Variants in CCDC85C observed in about 807,000 individuals in gnomAD.
The protein encoded by CCDC85C is coiled-coil domain containing 85C, also known as coiled-coil domain-containing protein 85C.
In CCDC85C, 18 loss-of-function variants were observed where a neutral mutation model predicts 38.3. The observed-to-expected ratio is 0.47, with a 90% CI of 0.33 to 0.70. The LOEUF (loss-of-function observed/expected upper bound fraction) is 0.70. CCDC85C is among the 30% of genes least tolerant of loss of function. The pLI, the probability that CCDC85C is intolerant of heterozygous loss-of-function variation, is 0.03. For synonymous variants in CCDC85C, 264 were observed against 293.8 expected (o/e 0.90, Z 1.04); for missense variants, 566 against 621.2 (o/e 0.91, Z 0.94).
chr14:99,579,023 C>T (rs1240257157), intron 1 of CCDC85C, among the ~76,000 whole-genome samples: 1 of 152,210 alleles, frequency 6.6e-6, no homozygotes, highest in Non-Finnish European at 1.5e-5. Flanking sequence ...CAGACTCTCT[C>T]CATTGCTCAT....
chr14:99,585,724 G>T (rs753338424), intron 1 of CCDC85C, among the ~76,000 whole-genome samples: 2 of 152,204 alleles, frequency 1.3e-5, no homozygotes, highest in African/African-American at 2.4e-5. Context: ...TGCACGACTA[G>T]CGTTCAGATG....
At chr14:99,563,672 C>T (rs1055864194) in intron 1 of CCDC85C, among the ~76,000 whole-genome samples, 3 of 152,218 alleles carry the variant, frequency 2.0e-5, no homozygotes, top group Admixed American at 6.5e-5. Context: ...CAGAAGGCAG[C>T]GGCATGGCGC....
At chr14:99,540,981 G>T (rs1192049034) in intron 1 of CCDC85C, among the ~76,000 whole-genome samples, 1 of 152,184 alleles carries the variant, frequency 6.6e-6, no homozygotes, top group Non-Finnish European at 1.5e-5. Context: ...GGGCTGGGTG[G>T]TATTCCCCCT....
intron 1 of CCDC85C, among the ~76,000 whole-genome samples, chr14:99,593,341 T>C (rs1236497697): frequency 4.6e-5 from 7 of 152,248 alleles, no homozygotes; most frequent in African/African-American, 1.4e-4. Flanking sequence ...ATGGGTCGAC[T>C]CTTCTCCATA....
Position 99,536,105 on chromosome 14 carries a change from G to T in CCDC85C, c.794-17C>A. ...ATGAGGGATCTGGAAGGACACAAGA[G>T]GAAGGGGGACATTAGCCTCCAGCAG... On this transcript the variant is annotated splice_polypyrimidine_tract_variant and intron_variant, in intron 1 of 5. Coordinates refer to ENST00000380243, the MANE Select transcript of CCDC85C (RefSeq NM_001144995.2). The T allele has an allele frequency of 6.5e-7, 1 of 1,529,558 alleles. No individual in the cohort carries two copies. The allele number at this position is 1,529,558 out of a possible 1,614,324, so 94.7% of individuals were successfully genotyped here. A position where few individuals can be genotyped will look rare whatever the true frequency, so the allele number is the denominator to read the frequency against.
At chr14:99,519,609 C>T (rs147087030) in intron 3 of CCDC85C, among the ~76,000 whole-genome samples, 554 of 152,290 alleles carry the variant, frequency 3.6e-3, no homozygotes, top group Middle Eastern at 0.014. Context: ...TGTCGCCAAA[C>T]GCTCAGAGCA....
chr14:99,595,489 C>T (rs918429837), intron 1 of CCDC85C, among the ~76,000 whole-genome samples: 6 of 152,146 alleles, frequency 3.9e-5, no homozygotes, highest in East Asian at 1.9e-4. Context: ...TCAGGTGATC[C>T]GCCCAGCTCA....
In CCDC85C at chr14:99,520,841, AAGG is replaced by A. The variant is rs1325543860; in HGVS notation, c.975+1289_975+1291del. On this transcript the variant is annotated intron_variant, in intron 3 of 5. Transcript: ENST00000380243. This position sits in a 1 kb window ranked among gnomAD's most constrained non-coding sequence, Gnocchi z 4.1. ...ATGCACAGAGCAGTCTAGAGGAAAA[AAGG>A]AGGCAAGAGGAACAAACCCTTTCCC... Among the ~76,000 whole-genome samples, 2 of 152,224 alleles carry A rather than the reference AAGG, an allele frequency of 1.3e-5. No homozygotes were observed. The highest frequency in any genetic ancestry group is 2.9e-5 in the Non-Finnish European group (2 of 68,038).
At position 99,507,287 on chromosome 14, in the gene CCDC85C, T is replaced by A; in HGVS notation, c.*7959A>T. On this transcript the variant is annotated 3_prime_UTR_variant, in exon 6 of 6. Coordinates refer to ENST00000380243, the MANE Select transcript of CCDC85C (RefSeq NM_001144995.2). ...CCACAGGCAGGAATCTTTGCAAAAT[T>A]GTTCTTGGGCTGGGCACAATGGCTT... 1 of 710,798 alleles carries A rather than the reference T, an allele frequency of 1.4e-6. No individual in the cohort carries two copies. Among genetic ancestry groups the A allele is most frequent in the Non-Finnish European group, 2.6e-6 (1 of 391,300 alleles). 44.0% of individuals were successfully genotyped at this position (710,798 alleles called of 1,614,324 possible).
intron 2 of CCDC85C, among the ~76,000 whole-genome samples, chr14:99,528,649 G>A (rs1030434726): frequency 2.0e-5 from 3 of 152,242 alleles, no homozygotes; most frequent in African/African-American, 7.2e-5. Flanking sequence ...CAAGATCCCA[G>A]CAGCTCAGAG....
Position 99,533,007 on chromosome 14 carries a change from C to T in CCDC85C, c.867+3008G>A, listed in dbSNP as rs1457337317. Among the ~76,000 whole-genome samples, 2 of 152,132 alleles carry T rather than the reference C, an allele frequency of 1.3e-5. No individual in the cohort carries two copies. Among genetic ancestry groups the T allele is most frequent in the Admixed American group, 1.3e-4 (2 of 15,272 alleles). ...GTGTTGCCCAGGCTGATCTCAAATT[C>T]CTGACCTCAAGTGATCCGCCCACCT... is the stretch of plus-strand genomic sequence containing the variant. On this transcript the variant is annotated intron_variant, in intron 2 of 5. Transcript: ENST00000380243. This position sits in a 1 kb window ranked among gnomAD's most constrained non-coding sequence, Gnocchi z 4.2.
chr14:99,570,864 CAA>C (rs67541429), intron 1 of CCDC85C, among the ~76,000 whole-genome samples: 86,417 of 151,612 alleles, frequency 0.57, 24,670 homozygotes, highest in African/African-American at 0.62. Context: ...TGGGCACAGG[CAA>C]CCAACTGGCC....
In CCDC85C at chr14:99,502,415, T is replaced by C. The variant is rs776475381; in HGVS notation, c.*12831A>G. ...TAAGCGTTCTCGTGAGGGTGTTCCA[T>C]GTTGAGATGATTCTTCCATGTGTAC... On this transcript the variant is annotated 3_prime_UTR_variant, in exon 6 of 6. Transcript: ENST00000380243. 16 of 1,599,188 alleles carry C rather than the reference T, an allele frequency of 1.0e-5. No individual in the cohort carries two copies. The South Asian group carries it at 1.8e-4, about 18-fold the overall frequency.
In CCDC85C at chr14:99,544,955, C is replaced by T. The variant is rs531156382; in HGVS notation, c.794-8867G>A. ...AAAAACGGAGCTGCCATGACCGGAG[C>T]CCCACACTCTCCATCTCACACTTCC... On this transcript the variant is annotated intron_variant, in intron 1 of 5. Transcript: ENST00000380243. The surrounding 1 kb of genome is among the most constrained non-coding windows in gnomAD (Gnocchi z 5.3). Among the ~76,000 whole-genome samples, 10 of 152,228 alleles carry T rather than the reference C, an allele frequency of 6.6e-5. No homozygotes were observed. The South Asian group carries it at 2.1e-3, about 32-fold the overall frequency.
intron 1 of CCDC85C, among the ~76,000 whole-genome samples, chr14:99,571,086 T>C: frequency 6.6e-6 from 1 of 151,814 alleles, no homozygotes; most frequent in Non-Finnish European, 1.5e-5. Context: ...CCAGGGACAC[T>C]CCCTCTTCAG....
intron 1 of CCDC85C, among the ~76,000 whole-genome samples, chr14:99,573,219 G>A (rs76296303): frequency 0.021 from 3,222 of 152,284 alleles, 77 homozygotes; most frequent in African/African-American, 0.056. Flanking sequence ...CGCCTAGAGC[G>A]AACAGGACCT....
chr14:99,591,831 T>C (rs1049169982), intron 1 of CCDC85C, among the ~76,000 whole-genome samples: 8 of 151,272 alleles, frequency 5.3e-5, no homozygotes, highest in Admixed American at 5.3e-4. Context: ...ACCTCCCAAG[T>C]TCAAGAGATT....
At chr14:99,581,489 G>A (rs112229902) in intron 1 of CCDC85C, among the ~76,000 whole-genome samples, 8 of 152,188 alleles carry the variant, frequency 5.3e-5, no homozygotes, top group East Asian at 1.9e-4. Flanking sequence ...GGTCACTCAC[G>A]GCCACTCCAC....
intron 1 of CCDC85C, among the ~76,000 whole-genome samples, chr14:99,568,841 C>T (rs1898275913): frequency 6.6e-6 from 1 of 152,240 alleles, no homozygotes; most frequent in African/African-American, 2.4e-5. Flanking sequence ...AGGCCATCAA[C>T]AATGTGGAGA....
Sources: gnomAD v4.1 joint callset for allele counts (sites outside exome capture counted in the v4.1 genomes callset) on GRCh38, gnomAD v4.1.1 for gene constraint, Gnocchi (gnomAD v3.1) non-coding constraint, MANE v1.5 for transcripts, NCBI Gene and HGNC (gene_info 2026-07-23, HGNC 2026-07-21) for gene names.